ZC4H2: variants seen among roughly 807,000 people sequenced by gnomAD.
The protein encoded by ZC4H2 is zinc finger C4H2-type containing.
For synonymous variants in ZC4H2, 84 were observed against 66.3 expected (o/e 1.27, Z -1.30); for missense variants, 137 against 173.9 (o/e 0.79, Z 1.19).
At chrX:64,976,778 C>G (rs1374178361), upstream of ZC4H2, among the ~76,000 whole-genome samples, 1 of 111,174 alleles carries the variant, frequency 9.0e-6, no homozygotes, top group African/African-American at 3.3e-5. Context: ...CTTCGGGGGC[C>G]CTCGCACCTA....
intron 1 of ZC4H2, among the ~76,000 whole-genome samples, chrX:65,020,620 T>C (rs1225181127): frequency 1.8e-5 from 2 of 111,566 alleles, no homozygotes; most frequent in African/African-American, 6.5e-5. Flanking sequence ...CTGAAGAAAC[T>C]GCATCAACTA....
chrX:65,014,985 A>G (rs1036163890), intron 1 of ZC4H2, among the ~76,000 whole-genome samples: 7 of 111,966 alleles, frequency 6.3e-5, no homozygotes, highest in African/African-American at 2.3e-4. Flanking sequence ...ATGGCTGTAC[A>G]CTGCCAATTC....
intron 1 of ZC4H2, among the ~76,000 whole-genome samples, chrX:65,019,781 A>T (rs1054552607): frequency 4.5e-5 from 5 of 112,074 alleles, no homozygotes; most frequent in Non-Finnish European, 1.9e-5. Flanking sequence ...GGAAGCTAAG[A>T]TCCTTGAAAA....
intron 1 of ZC4H2, among the ~76,000 whole-genome samples, chrX:64,931,326 T>C (rs776599347): frequency 7.1e-5 from 8 of 111,914 alleles, no homozygotes; most frequent in Non-Finnish European, 1.5e-4. Context: ...ATCTTTTGCA[T>C]TGTTTTTGTT....
intron 1 of ZC4H2, among the ~76,000 whole-genome samples, chrX:64,985,501 G>A (rs1435613471): frequency 9.0e-6 from 1 of 111,487 alleles, no homozygotes; most frequent in African/African-American, 3.3e-5. Context: ...GAGAAGACAT[G>A]TCCTTTGCCT....
intron 1 of ZC4H2, among the ~76,000 whole-genome samples, chrX:64,952,142 T>C (rs1243229248): frequency 9.0e-6 from 1 of 110,646 alleles, no homozygotes; most frequent in Non-Finnish European, 1.9e-5. Context: ...AGGGCTCTGT[T>C]CTGTTCCATT....
At chrX:65,002,425 G>T (rs773332696) in intron 1 of ZC4H2, among the ~76,000 whole-genome samples, 12 of 107,330 alleles carry the variant, frequency 1.1e-4, no homozygotes, top group Non-Finnish European at 2.3e-4. Flanking sequence ...CCGGCCAGCC[G>T]CCCCATCCGG....
chrX:65,026,266 T>A (rs1932877530), intron 1 of ZC4H2, among the ~76,000 whole-genome samples: 1 of 112,002 alleles, frequency 8.9e-6, no homozygotes, highest in African/African-American at 3.2e-5. Context: ...ATTACAAATA[T>A]AAATTATTCA....
chrX:64,919,557 C>T, intron 3 of ZC4H2: 1 of 164,278 alleles, frequency 6.1e-6, no homozygotes, highest in Non-Finnish European at 1.2e-5. Context: ...AGCTCACAAA[C>T]TCCACAGACA....
chrX:64,943,387 T>C (rs1449949428), intron 1 of ZC4H2, among the ~76,000 whole-genome samples: 1 of 111,983 alleles, frequency 8.9e-6, no homozygotes, highest in Non-Finnish European at 1.9e-5. Flanking sequence ...AATATCCTTG[T>C]ATTTTTTTCC....
At chrX:65,010,476 T>C (rs374585930) in intron 1 of ZC4H2, among the ~76,000 whole-genome samples, 1 of 112,358 alleles carries the variant, frequency 8.9e-6, no homozygotes, top group East Asian at 2.8e-4. Context: ...TTTTTTTTTC[T>C]TTGGGATTGA....
At chrX:64,919,926 A>T in intron 3 of ZC4H2, 155 bp downstream of exon 3, 1 of 476,148 alleles carries the variant, frequency 2.1e-6, no homozygotes, top group Non-Finnish European at 3.3e-6. Flanking sequence ...TCACACAGTG[A>T]GTAAGCCACT....
intron 1 of ZC4H2, among the ~76,000 whole-genome samples, chrX:64,940,762 T>C (rs1473164279): frequency 9.0e-6 from 1 of 111,718 alleles, no homozygotes; most frequent in Non-Finnish European, 1.9e-5. Context: ...TCTATATATC[T>C]GTTTTGGTAC....
At chrX:64,927,113 C>A (rs1284853424) in intron 1 of ZC4H2, among the ~76,000 whole-genome samples, 1 of 111,093 alleles carries the variant, frequency 9.0e-6, no homozygotes, top group Non-Finnish European at 1.9e-5. Flanking sequence ...TTTTAAAAGT[C>A]CAATTTATCA....
chrX:64,928,701 TCTC>T (rs373357484), intron 1 of ZC4H2, among the ~76,000 whole-genome samples: 28 of 98,350 alleles, frequency 2.8e-4, no homozygotes, highest in African/African-American at 7.8e-4. Context: ...CTCTTCTTCT[TCTC>T]CTCCTCCTCC....
intron 1 of ZC4H2, among the ~76,000 whole-genome samples, chrX:64,989,112 G>T (rs1298270144): frequency 8.9e-6 from 1 of 111,890 alleles, no homozygotes; most frequent in Non-Finnish European, 1.9e-5. Context: ...TGCTGTTTTG[G>T]TTACTGTAGG....
chrX:64,948,867 T>G (rs770407811), intron 1 of ZC4H2, among the ~76,000 whole-genome samples: 3 of 112,254 alleles, frequency 2.7e-5, no homozygotes, highest in Admixed American at 9.5e-5. Flanking sequence ...TTAAATTACA[T>G]AAGATAAAGG....
intron 1 of ZC4H2, among the ~76,000 whole-genome samples, chrX:64,940,577 A>C (rs1402800596): frequency 9.0e-6 from 1 of 111,543 alleles, no homozygotes. Context: ...TTTTTGTATA[A>C]GGTGTAAGGA....
chrX:64,922,247 C>CAA (rs374308800), intron 1 of ZC4H2: 118 of 85,374 alleles, frequency 1.4e-3, no homozygotes, highest in African/African-American at 1.9e-3. Flanking sequence ...CTTATATCTA[C>CAA]AAAAAAAAAA....
Sources: allele counts gnomAD v4.1 joint callset (sites outside exome capture counted in the v4.1 genomes callset), GRCh38; gene constraint gnomAD v4.1.1; transcripts MANE v1.5; gene names NCBI Gene and HGNC (gene_info 2026-07-23, HGNC 2026-07-21).